The following GRAMD1B variants were observed in gnomAD, a reference collection of about 807,000 sequenced individuals.
GRAMD1B encodes GRAM domain containing 1B, also known as protein Aster-B.
GRAMD1B carries 37 observed loss-of-function variants against 99.7 expected under a neutral mutation model. The ratio of observed to expected loss-of-function variants is 0.37; its 90% CI spans 0.29 to 0.49. The LOEUF (loss-of-function observed/expected upper bound fraction) is 0.49, where lower values mean the gene tolerates loss of function less well. Among genes scored for constraint, GRAMD1B ranks in the 20% least tolerant of loss-of-function variants. The probability of loss-of-function intolerance (pLI) is 0.98; values close to 1 mark genes in which losing one functional copy is unlikely to be tolerated. For synonymous variants in GRAMD1B, 427 were observed against 387.6 expected (o/e 1.10, Z -1.19); for missense variants, 888 against 1,009.2 (o/e 0.88, Z 1.63).
Position 123,594,719 on chromosome 11 carries a change from T to C in GRAMD1B, c.770-16T>C. On this transcript the variant is annotated splice_polypyrimidine_tract_variant and intron_variant, in intron 5 of 19. Transcript: ENST00000635736. ...CTTCCTGCCTCTGAGCTCCCCTACC[T>C]CCGCTCCTACCACAGATTACTCATG... The C allele has an allele frequency of 7.3e-7, 1 of 1,366,614 alleles. No homozygotes were observed. The highest frequency in any genetic ancestry group is 1.0e-6 in the Non-Finnish European group (1 of 953,780). 84.7% of individuals were successfully genotyped at this position (1,366,614 alleles called of 1,614,324 possible). A position where few individuals can be genotyped will look rare whatever the true frequency, so the allele number is the denominator to read the frequency against.
At chr11:123,504,299 C>T (rs994257201) in intron 2 of GRAMD1B, among the ~76,000 whole-genome samples, 1 of 152,212 alleles carries the variant, frequency 6.6e-6, no homozygotes, top group Non-Finnish European at 1.5e-5. Context: ...CCACTTTGTC[C>T]AGCCCGCAAG....
chr11:123,469,869 T>G (rs1275117359), intron 1 of GRAMD1B, among the ~76,000 whole-genome samples: 1 of 151,770 alleles, frequency 6.6e-6, no homozygotes, highest in Non-Finnish European at 1.5e-5. Flanking sequence ...TATTAACAGT[T>G]GTTGGGGATG....
intron 2 of GRAMD1B, among the ~76,000 whole-genome samples, chr11:123,521,610 A>G (rs899472791): frequency 3.9e-5 from 6 of 152,314 alleles, no homozygotes; most frequent in African/African-American, 9.6e-5. Context: ...TCAGGGTACA[A>G]TCAGTGTAAG....
At chr11:123,404,601 T>C (rs1185441641) in intron 1 of GRAMD1B, among the ~76,000 whole-genome samples, 1 of 152,220 alleles carries the variant, frequency 6.6e-6, no homozygotes, top group Non-Finnish European at 1.5e-5. Flanking sequence ...GAGCTAGGGT[T>C]AGGGTAGTAC....
At chr11:123,398,517 A>G (rs1947547300) in intron 1 of GRAMD1B, among the ~76,000 whole-genome samples, 1 of 152,234 alleles carries the variant, frequency 6.6e-6, no homozygotes, top group African/African-American at 2.4e-5. Context: ...AAACCATAGC[A>G]TACTTGTATC....
At chr11:123,517,460 G>A (rs1941780128) in intron 2 of GRAMD1B, among the ~76,000 whole-genome samples, 1 of 152,224 alleles carries the variant, frequency 6.6e-6, no homozygotes, top group African/African-American at 2.4e-5. Context: ...GCACTTACTT[G>A]CTCTTAGTGT....
rs957909564 is a variant in GRAMD1B at position 123,605,505 on chromosome 11, A to G, written c.1323+27A>G. ...TATGGGCAGTCAGCCTTTGACTTCT[A>G]CCCCCAGTCCTGTGGCCAGCGTTTC... On this transcript the variant is annotated intron_variant, in intron 10 of 19. Transcript: ENST00000635736. 3.2e-6 allele frequency: 5 copies of G among 1,586,554 alleles called. No individual in the cohort carries two copies. In the East Asian group the frequency reaches 1.1e-4, roughly 36 times the overall value.
chr11:123,503,441 C>T (rs1201243962), intron 2 of GRAMD1B, among the ~76,000 whole-genome samples: 3 of 152,112 alleles, frequency 2.0e-5, no homozygotes, highest in Admixed American at 1.3e-4. Context: ...TTGTTCTTAA[C>T]CCCCCACCCA....
chr11:123,568,866 G>A (rs746850661), intron 2 of GRAMD1B, among the ~76,000 whole-genome samples: 2 of 152,236 alleles, frequency 1.3e-5, no homozygotes, highest in Non-Finnish European at 1.5e-5. Context: ...GGACCCGGTG[G>A]CAGTTATCAC....
At position 123,453,973 on chromosome 11, in the gene GRAMD1B, A is replaced by C. The variant is rs564330032; in HGVS notation, c.374+22807A>C. The stretch of plus-strand genomic sequence containing the variant: ...GTATCTTTGTAAAATCCCGTTGATA[A>C]TGGCCCATGCCAACACTGTTCCTCA... On this transcript the variant is annotated intron_variant, in intron 1 of 19. Coordinates refer to ENST00000635736, the MANE Select transcript of GRAMD1B (RefSeq NM_001387025.1). 3.0e-4 allele frequency among the ~76,000 whole-genome samples: 46 copies of C among 152,358 alleles called. 1 individual carries two copies. In the South Asian group the frequency reaches 8.7e-3, roughly 29 times the overall value.
chr11:123,420,084 C>G (rs141745236), intron 1 of GRAMD1B, among the ~76,000 whole-genome samples: 1 of 152,180 alleles, frequency 6.6e-6, no homozygotes, highest in Non-Finnish European at 1.5e-5. Context: ...GGAAGCTAAA[C>G]TAGAATCTTA....
At chr11:123,516,896 T>A (rs1057313079) in intron 2 of GRAMD1B, among the ~76,000 whole-genome samples, 1 of 152,182 alleles carries the variant, frequency 6.6e-6, no homozygotes, top group African/African-American at 2.4e-5. Flanking sequence ...TTTGCTTGGG[T>A]CATGAACATA....
chr11:123,606,782 C>G lies in GRAMD1B; in HGVS notation c.1497C>G (p.Ser499=). 2 of 1,613,596 alleles carry G rather than the reference C, an allele frequency of 1.2e-6. No homozygotes were observed. The highest frequency in any genetic ancestry group is 2.2e-5 in the East Asian group (1 of 44,876). ...TCCCCACTGAGCTCAGTGACTCTTCCGACACACACGATGAAGGTGGGCATT... is the reference window on the plus strand; with the variant it reads ...TCCCCACTGAGCTCAGTGACTCTTCGGACACACACGATGAAGGTGGGCATT... The part of the protein sequence containing the change: ...EDIPTELSDS[S]DTHDEGEVQA... The change falls in exon 11 of 20, where the codon TCC becomes TCG. Residue 499 remains serine (S), a synonymous_variant. Transcript: ENST00000635736.
intron 2 of GRAMD1B, among the ~76,000 whole-genome samples, chr11:123,574,900 C>T (rs1442168480): frequency 6.6e-6 from 1 of 152,134 alleles, no homozygotes; most frequent in Non-Finnish European, 1.5e-5. Context: ...AGAGTTGAGA[C>T]AGTAGTTGAG....
At chr11:123,540,185 C>T (rs975075942) in intron 2 of GRAMD1B, among the ~76,000 whole-genome samples, 12 of 151,916 alleles carry the variant, frequency 7.9e-5, no homozygotes, top group African/African-American at 2.4e-4. Flanking sequence ...CCCACCTCAG[C>T]CTCCCAAGTG....
At chr11:123,622,306 C>T (rs1955225117) in intron 19 of GRAMD1B, among the ~76,000 whole-genome samples, 200 bp from the exon 20 acceptor site, 3 of 152,162 alleles carry the variant, frequency 2.0e-5, no homozygotes, top group Admixed American at 1.3e-4. Context: ...TACAGGTGTG[C>T]GTCACTGCAC....
rs966471104 is a variant in GRAMD1B, at chr11:123,443,743, C to T, written c.374+12577C>T. On this transcript the variant is annotated intron_variant, in intron 1 of 19. Coordinates refer to ENST00000635736, the MANE Select transcript of GRAMD1B (RefSeq NM_001387025.1). ...GGCTACAGGTGTGCGCCACCACACC[C>T]AGCTAATTTTTGTATTTTTAGTAGA... 2.0e-5 allele frequency among the ~76,000 whole-genome samples: 3 copies of T among 152,036 alleles called. No homozygotes were observed. In the East Asian group the frequency reaches 5.8e-4, roughly 29 times the overall value.
chr11:123,444,056 T>A (rs998387060), intron 1 of GRAMD1B, among the ~76,000 whole-genome samples: 5 of 152,234 alleles, frequency 3.3e-5, no homozygotes, highest in Non-Finnish European at 7.3e-5. Context: ...ATGGCCAGTA[T>A]TTTGTATTCA....
rs1947438885 is a variant in GRAMD1B at position 123,395,826 on chromosome 11, A to G, written c.-176+37027A>G. Among the ~76,000 whole-genome samples, 3 of 152,232 alleles carry G rather than the reference A, an allele frequency of 2.0e-5. No homozygotes were observed. The South Asian group carries it at 6.2e-4, about 32-fold the overall frequency. Reference sequence around the variant, plus strand: ...CCCTGGTTAGGTAATAAAGAGACCTAAGTTACTCAGTGACCTTAGAGAAGT... The same window carrying G: ...CCCTGGTTAGGTAATAAAGAGACCTGAGTTACTCAGTGACCTTAGAGAAGT... On this transcript the variant is annotated intron_variant, in intron 1 of 20. Coordinates refer to the GRAMD1B transcript ENST00000638157.
Sources: allele counts gnomAD v4.1 joint callset (sites outside exome capture counted in the v4.1 genomes callset), GRCh38; gene constraint gnomAD v4.1.1; transcripts MANE v1.5; gene names NCBI Gene and HGNC (gene_info 2026-07-23, HGNC 2026-07-21).